HELZ: variants seen among roughly 807,000 people sequenced by gnomAD.
HELZ encodes helicase with zinc finger, also known as ATP-dependent RNA helicase with zinc finger domain.
In HELZ, 23 loss-of-function variants were observed where a neutral mutation model predicts 218.2. That is an observed-to-expected ratio of 0.11 (90% CI 0.08 to 0.15). HELZ has a LOEUF of 0.15. Ranked by LOEUF, HELZ falls within the 10% of genes least tolerant of loss-of-function variation. The pLI, the probability that HELZ is intolerant of heterozygous loss-of-function variation, is 1.00. For synonymous variants in HELZ, 814 were observed against 829.4 expected (o/e 0.98, Z 0.32); for missense variants, 1,813 against 2,353.7 (o/e 0.77, Z 4.75).
chr17:67,203,455 G>A lies in HELZ; in HGVS notation c.248-12C>T, dbSNP rs1464920692. On this transcript the variant is annotated splice_polypyrimidine_tract_variant and intron_variant, in intron 5 of 32. Coordinates refer to ENST00000358691, the MANE Select transcript of HELZ (RefSeq NM_014877.4). Reference sequence around the variant, plus strand: ...TCCTTCTCCCAGCACTGCCATGAAAGAACAGCCATCATTAACCATATGACA... The same window carrying A: ...TCCTTCTCCCAGCACTGCCATGAAAAAACAGCCATCATTAACCATATGACA... 1.9e-6 allele frequency: 3 copies of A among 1,612,706 alleles called. No homozygotes were observed. Among genetic ancestry groups the A allele is most frequent in the Non-Finnish European group, 2.5e-6 (3 of 1,179,470 alleles).
Position 67,185,555 on chromosome 17 carries a change from A to C in HELZ, c.1162+2764T>G, listed in dbSNP as rs565397143. On this transcript the variant is annotated intron_variant, in intron 12 of 32. Transcript: ENST00000358691. ...GCATAAGTCATTATGCTGATGACCA[A>C]AAAAAGTTAGCCCAATATCATCTAG... 2.0e-5 allele frequency among the ~76,000 whole-genome samples: 3 copies of C among 152,284 alleles called. No individual in the cohort carries two copies. The South Asian group carries it at 6.2e-4, about 32-fold the overall frequency.
At chr17:67,184,377 A>G (rs1352602619) in intron 12 of HELZ, among the ~76,000 whole-genome samples, 1 of 152,222 alleles carries the variant, frequency 6.6e-6, no homozygotes, top group Non-Finnish European at 1.5e-5. Context: ...CAAATTTATA[A>G]ACTTATGCAA....
intron 13 of HELZ, among the ~76,000 whole-genome samples, chr17:67,175,006 A>G (rs7221557): frequency 0.088 from 13,320 of 152,168 alleles, 1,520 homozygotes; most frequent in African/African-American, 0.26. Flanking sequence ...ATGAGTCTAT[A>G]TAAGCATACC....
intron 12 of HELZ, among the ~76,000 whole-genome samples, chr17:67,181,585 T>C (rs2039614131): frequency 6.6e-6 from 1 of 152,218 alleles, no homozygotes; most frequent in Non-Finnish European, 1.5e-5. Flanking sequence ...TAAGTGTCTT[T>C]AGCAGGTAGC....
At chr17:67,213,959 T>G (rs1159501597) in intron 5 of HELZ, among the ~76,000 whole-genome samples, 1 of 152,182 alleles carries the variant, frequency 6.6e-6, no homozygotes, top group Non-Finnish European at 1.5e-5. Flanking sequence ...AAGGAAAAAC[T>G]CTACGTATTA....
chr17:67,238,674 G>A (rs532024200), intron 3 of HELZ, among the ~76,000 whole-genome samples: 21 of 152,228 alleles, frequency 1.4e-4, no homozygotes, highest in African/African-American at 4.8e-4. Flanking sequence ...TGACAAAAGC[G>A]AAACTCCGTC....
intron 12 of HELZ, among the ~76,000 whole-genome samples, chr17:67,186,936 A>G (rs934553212): frequency 1.2e-4 from 19 of 152,190 alleles, no homozygotes; most frequent in Admixed American, 1.2e-3. Context: ...CTACAACACG[A>G]AAGTCAAATG....
At chr17:67,190,805 G>A (rs761839504) in intron 9 of HELZ, among the ~76,000 whole-genome samples, 3 of 152,202 alleles carry the variant, frequency 2.0e-5, no homozygotes, top group Non-Finnish European at 4.4e-5. Context: ...CTGCCTCCTG[G>A]TTTCAAGCAA....
rs2036071325 is a variant in HELZ, at chr17:67,078,126, TAA to T, written c.*124_*125del. The stretch of plus-strand genomic sequence containing the variant: ...GTTGCAAGTCTAGCAGCAAAGCAAT[TAA>T]GTGAGAACATATTTAATATTAAAAC... On this transcript the variant is annotated 3_prime_UTR_variant, in exon 33 of 33. Coordinates refer to ENST00000358691, the MANE Select transcript of HELZ (RefSeq NM_014877.4). 1.7e-5 allele frequency: 11 copies of T among 655,916 alleles called. No homozygotes were observed. Among genetic ancestry groups the T allele is most frequent in the Non-Finnish European group, 2.8e-5 (11 of 388,796 alleles). 40.6% of individuals were successfully genotyped at this position (655,916 alleles called of 1,614,324 possible).
intron 12 of HELZ, 92 bp from the exon 13 acceptor site, chr17:67,179,018 T>C: frequency 1.2e-6 from 1 of 837,362 alleles, no homozygotes; most frequent in Non-Finnish European, 1.8e-6. Context: ...CATATTTTTG[T>C]ATGAGAATTG....
At chr17:67,142,080 T>A (rs1327118903) in intron 21 of HELZ, among the ~76,000 whole-genome samples, 2 of 151,686 alleles carry the variant, frequency 1.3e-5, no homozygotes, top group Non-Finnish European at 2.9e-5. Flanking sequence ...GGAATTAAAA[T>A]GTGACACTAG....
chr17:67,130,306 C>T (rs1403476632), intron 23 of HELZ, among the ~76,000 whole-genome samples: 1 of 151,548 alleles, frequency 6.6e-6, no homozygotes, highest in East Asian at 1.9e-4. Context: ...TAAACAAAAA[C>T]CACTTGTACC....
intron 5 of HELZ, among the ~76,000 whole-genome samples, chr17:67,209,055 G>GGGAA (rs933999831): frequency 6.9e-6 from 1 of 144,210 alleles, no homozygotes; most frequent in East Asian, 2.0e-4. Context: ...GAGGGAGGGA[G>GGGAA]GGAAGGAAGG....
intron 7 of HELZ, among the ~76,000 whole-genome samples, chr17:67,197,321 G>A (rs775721815): frequency 3.3e-4 from 50 of 152,154 alleles, no homozygotes; most frequent in Admixed American, 9.2e-4. Flanking sequence ...CAGCCACATG[G>A]AACTGTGAGT....
At chr17:67,169,467 C>G (rs961915478) in intron 13 of HELZ, among the ~76,000 whole-genome samples, 3 of 152,104 alleles carry the variant, frequency 2.0e-5, no homozygotes, top group Non-Finnish European at 2.9e-5. Context: ...CTTCTAACAG[C>G]CCACTCTCAT....
chr17:67,086,879 T>C lies in HELZ; in HGVS notation c.5444A>G (p.Asn1815Ser), dbSNP rs367896403. ...CCTGCTGGATCCATTGCACGGAATG[T>C]TCTGATAAGGAGTAGATGAGGTGGT... ...VNTTSSTPYQ[N>S]IPCNGSSRTA... Residue 1815 changes from asparagine to serine, a missense_variant, in exon 32 of 33, where the codon AAC becomes AGC. Asn to Ser is a conservative substitution (Grantham distance 46). Transcript: ENST00000358691. 6.2e-7 allele frequency: 1 copy of C among 1,613,490 alleles called. No individual in the cohort carries two copies. Among genetic ancestry groups the C allele is most frequent in the Non-Finnish European group, 8.5e-7 (1 of 1,179,950 alleles).
intron 8 of HELZ, 90 bp from the exon 9 acceptor site, chr17:67,194,132 C>G: frequency 8.2e-6 from 7 of 849,674 alleles, no homozygotes; most frequent in Non-Finnish European, 5.8e-6. Flanking sequence ...AATCCCTCCA[C>G]ATACATCATC....
chr17:67,165,121 A>G (rs2039102677), intron 15 of HELZ, among the ~76,000 whole-genome samples: 1 of 152,228 alleles, frequency 6.6e-6, no homozygotes, highest in African/African-American at 2.4e-5. Context: ...CTTTCAGGAT[A>G]GTACACAAGA....
At chr17:67,120,986 C>T (rs2037592409) in intron 26 of HELZ, among the ~76,000 whole-genome samples, 1 of 152,136 alleles carries the variant, frequency 6.6e-6, no homozygotes, top group Admixed American at 6.5e-5. Flanking sequence ...CTTTTAAAGT[C>T]ATAATTGCAT....
Sources: gnomAD v4.1 joint callset for allele counts (sites outside exome capture counted in the v4.1 genomes callset) on GRCh38, gnomAD v4.1.1 for gene constraint, MANE v1.5 for transcripts, NCBI Gene and HGNC (gene_info 2026-07-23, HGNC 2026-07-21) for gene names.